The following CD200 variants were observed in gnomAD, a reference collection of about 807,000 sequenced individuals.
CD200 encodes OX-2 membrane glycoprotein.
A neutral mutation model predicts 30.9 loss-of-function variants in CD200; 15 were observed. That is an observed-to-expected ratio of 0.49 (90% CI 0.32 to 0.75). The LOEUF is 0.75. Ranked by LOEUF, CD200 falls within the 30% of genes least tolerant of loss-of-function variation. The pLI, the probability that CD200 is intolerant of heterozygous loss-of-function variation, is 0.03. For missense variants in CD200, 262 were observed against 324.2 expected, an observed-to-expected ratio of 0.81 and a Z score of 1.47; for synonymous variants, 134 against 126.2, an observed-to-expected ratio of 1.06 and a Z score of -0.41.
chr3:112,357,258 C>CAAAAAAAAAA (rs753148544), intron 5 of CD200, among the ~76,000 whole-genome samples: 1 of 81,774 alleles, frequency 1.2e-5, no homozygotes, highest in African/African-American at 4.7e-5. Context: ...GAGACTGTCT[C>CAAAAAAAAAA]AAAAAAAAAA....
In CD200 at chr3:112,347,841, G is replaced by C. The variant is rs373191755; in HGVS notation, c.694+11G>C. 6.2e-7 allele frequency: 1 copy of C among 1,609,680 alleles called. No homozygotes were observed. The highest frequency in any genetic ancestry group is 1.3e-5 in the African/African-American group (1 of 74,974). On this transcript the variant is annotated intron_variant, in intron 4 of 5. Coordinates refer to ENST00000315711, the MANE Select transcript of CD200 (RefSeq NM_005944.7). ...AAACCGTCAACAAAGGTAAGAGAAA[G>C]TGAGCAAGGTGGCTGTGGTTGTGTC...
At chr3:112,356,421 A>G (rs2081624618) in intron 5 of CD200, among the ~76,000 whole-genome samples, 1 of 152,202 alleles carries the variant, frequency 6.6e-6, no homozygotes, top group African/African-American at 2.4e-5. Context: ...CTATATATGT[A>G]TACATTGTGG....
At chr3:112,346,421 A>G (rs2081395414) in intron 3 of CD200, among the ~76,000 whole-genome samples, 1 of 150,724 alleles carries the variant, frequency 6.6e-6, no homozygotes, top group Non-Finnish European at 1.5e-5. Flanking sequence ...TTTTTTCCTG[A>G]AAAGCAGATG....
intron 3 of CD200, among the ~76,000 whole-genome samples, chr3:112,345,643 T>C (rs1321787587): frequency 2.0e-5 from 3 of 152,204 alleles, no homozygotes; most frequent in Admixed American, 6.5e-5. Context: ...CCACTGGAGT[T>C]TCATTGTCTG....
intron 5 of CD200, among the ~76,000 whole-genome samples, chr3:112,355,049 A>G (rs1019161957): frequency 4.6e-5 from 7 of 152,216 alleles, no homozygotes; most frequent in Admixed American, 2.6e-4. Flanking sequence ...TCCTTTAGCC[A>G]TGTAAAGTAA....
At chr3:112,337,522 A>C (rs2081145464) in intron 1 of CD200, among the ~76,000 whole-genome samples, 1 of 152,232 alleles carries the variant, frequency 6.6e-6, no homozygotes, top group Admixed American at 6.5e-5. Context: ...AAACAGGCTA[A>C]GAACTTTGAA....
rs776155589 is a variant in CD200, at chr3:112,347,805, C to T, written c.669C>T (p.Thr223=). ...AGGTGCTGCACCTGGGGACTGTGAC[C>T]GACTTTAAGCAAACCGTCAACAAAG... ...ICQVLHLGTV[T]DFKQTVNKGY... is the part of the protein sequence containing the mutation. The change falls in exon 4 of 6, where the codon ACC becomes ACT. Residue 223 remains threonine, a synonymous_variant. Coordinates refer to ENST00000315711, the MANE Select transcript of CD200 (RefSeq NM_005944.7). The T allele has an allele frequency of 1.1e-5, 17 of 1,613,214 alleles. No homozygotes were observed. The highest frequency in any genetic ancestry group is 3.3e-5 in the Admixed American group (2 of 59,976).
At chr3:112,341,531 C>T (rs1037427819) in intron 2 of CD200, among the ~76,000 whole-genome samples, 1 of 152,182 alleles carries the variant, frequency 6.6e-6, no homozygotes, top group African/African-American at 2.4e-5. Context: ...TACCACTGGC[C>T]TTTTCATCAC....
chr3:112,351,867 G>A (rs1559789778), intron 5 of CD200, among the ~76,000 whole-genome samples: 1 of 152,192 alleles, frequency 6.6e-6, no homozygotes, highest in East Asian at 1.9e-4. Flanking sequence ...GGGAGCCAGT[G>A]TGTGCAGAGA....
At position 112,341,063 on chromosome 3, in the gene CD200, G is replaced by A. The variant is rs529801667; in HGVS notation, c.94+80G>A. Reference sequence around the variant, plus strand: ...AAGACATTTAGCCAGTATTGTTTGTGCTGTGCTGGTTCCATTTGTCTGCAT... The same window carrying A: ...AAGACATTTAGCCAGTATTGTTTGTACTGTGCTGGTTCCATTTGTCTGCAT... On this transcript the variant is annotated intron_variant, in intron 2 of 5. Transcript: ENST00000315711. 7.8e-6 allele frequency: 7 copies of A among 897,536 alleles called. No homozygotes were observed. In the African/African-American group the frequency reaches 8.2e-5, roughly 11 times the overall value. 55.6% of individuals were successfully genotyped at this position (897,536 alleles called of 1,614,324 possible).
At chr3:112,342,424 T>C (rs866204885) in intron 2 of CD200, among the ~76,000 whole-genome samples, 1 of 91,394 alleles carries the variant, frequency 1.1e-5, no homozygotes. Flanking sequence ...TTTCTTTCTT[T>C]CTTTCTTCTC....
intron 5 of CD200, 160 bp downstream of exon 5, chr3:112,349,979 G>C (rs548715491): frequency 1.9e-5 from 19 of 985,018 alleles, no homozygotes; most frequent in Middle Eastern, 5.2e-4. Context: ...AAAATGCGTC[G>C]GGGCATTTTC....
chr3:112,335,169 C>T (rs2081084120), intron 1 of CD200, among the ~76,000 whole-genome samples: 1 of 152,124 alleles, frequency 6.6e-6, no homozygotes, highest in Non-Finnish European at 1.5e-5. Context: ...GGAACAGTCT[C>T]AGTAATACTG....
chr3:112,333,839 T>G, intron 1 of CD200: 6 of 985,434 alleles, frequency 6.1e-6, no homozygotes, highest in Non-Finnish European at 7.2e-6. Flanking sequence ...CATAATGCTT[T>G]GAAGGGTTAA....
chr3:112,335,680 A>G (rs1390740442), intron 1 of CD200: 7 of 438,648 alleles, frequency 1.6e-5, no homozygotes, highest in African/African-American at 8.1e-5. Flanking sequence ...CATTCCTTCC[A>G]GGACATCTAT....
chr3:112,350,803 A>T (rs1217310177), intron 5 of CD200, among the ~76,000 whole-genome samples: 1 of 152,082 alleles, frequency 6.6e-6, no homozygotes, highest in Non-Finnish European at 1.5e-5. Flanking sequence ...GTTTTATAGA[A>T]ATGTTTCCTT....
chr3:112,359,801 C>T (rs564251788), intron 5 of CD200, among the ~76,000 whole-genome samples: 22 of 152,098 alleles, frequency 1.4e-4, no homozygotes, highest in African/African-American at 5.3e-4. Flanking sequence ...TATTAAAACA[C>T]GAGATTTTAG....
rs1355353802 is a variant in CD200 at position 112,362,520 on chromosome 3, T to A, written c.*970T>A. 1 of 152,610 alleles carries A rather than the reference T, an allele frequency of 6.6e-6. No homozygotes were observed. The highest frequency in any genetic ancestry group is 1.5e-5 in the Non-Finnish European group (1 of 68,030). The allele number at this position is 152,610 out of a possible 1,614,324, so 9.5% of individuals were successfully genotyped here. A position where few individuals can be genotyped will look rare whatever the true frequency, so the allele number is the denominator to read the frequency against. ...TGGCTTCTTTTTCCATGCGTTAACT[T>A]TTCCCAATAGCAGAGGAGGCAAATA... On this transcript the variant is annotated 3_prime_UTR_variant, in exon 6 of 6. Transcript: ENST00000315711.
In CD200 at chr3:112,334,004, T is replaced by C; in HGVS notation, c.12+780T>C. The C allele has an allele frequency of 3.0e-6, 3 of 985,412 alleles. No individual in the cohort carries two copies. In the South Asian group the frequency reaches 1.4e-4, roughly 46 times the overall value. The allele number at this position is 985,412 out of a possible 1,614,324, so 61.0% of individuals were successfully genotyped here. ...AAATACAGTGAATGCCTCAAGATAA[T>C]TTTTTCATGTATGGTTTGTTGGCAA... is the stretch of plus-strand genomic sequence containing the variant. On this transcript the variant is annotated intron_variant, in intron 1 of 5. Transcript: ENST00000315711.
Sources: gnomAD v4.1 joint callset for allele counts (sites outside exome capture counted in the v4.1 genomes callset) on GRCh38, gnomAD v4.1.1 for gene constraint, MANE v1.5 for transcripts, NCBI Gene and HGNC (gene_info 2026-07-23, HGNC 2026-07-21) for gene names.